The following PTPRN2 variants were observed in gnomAD, a reference collection of about 807,000 sequenced individuals.
PTPRN2 encodes protein tyrosine phosphatase receptor type N2.
In PTPRN2, 74 loss-of-function variants were observed where a neutral mutation model predicts 118.8. The ratio of observed to expected loss-of-function variants is 0.62; its 90% CI spans 0.52 to 0.76. The LOEUF (loss-of-function observed/expected upper bound fraction) is 0.76. Among genes scored for constraint, PTPRN2 ranks in the 30% least tolerant of loss-of-function variants. The pLI, the probability that PTPRN2 is intolerant of heterozygous loss-of-function variation, is 0.00. For synonymous variants in PTPRN2, 641 were observed against 608.0 expected (o/e 1.05, Z -0.80); for missense variants, 1,481 against 1,394.4 (o/e 1.06, Z -0.99).
chr7:157,792,278 G>A (rs1322917720), intron 12 of PTPRN2, among the ~76,000 whole-genome samples: 3 of 152,246 alleles, frequency 2.0e-5, no homozygotes, highest in Non-Finnish European at 4.4e-5. Flanking sequence ...CGCCCGCAGC[G>A]GGGCATCTGC....
chr7:158,371,128 G>A (rs568442235), intron 2 of PTPRN2, among the ~76,000 whole-genome samples: 30 of 152,238 alleles, frequency 2.0e-4, no homozygotes, highest in African/African-American at 6.7e-4. Flanking sequence ...ATGTGACTGC[G>A]CAGGGAAGAA....
At chr7:157,970,823 G>A (rs1191360121) in intron 11 of PTPRN2, among the ~76,000 whole-genome samples, 1 of 152,092 alleles carries the variant, frequency 6.6e-6, no homozygotes, top group East Asian at 1.9e-4. Context: ...CTAATTCTAA[G>A]CTCATTCTTC....
intron 11 of PTPRN2, among the ~76,000 whole-genome samples, chr7:158,043,041 G>C (rs985888250): frequency 6.6e-6 from 1 of 152,106 alleles, no homozygotes; most frequent in African/African-American, 2.4e-5. Flanking sequence ...GGAAAGTTTG[G>C]GGGAAGTTAC....
At position 157,974,271 on chromosome 7, in the gene PTPRN2, A is replaced by G. The variant is rs1440243209; in HGVS notation, c.1724-75534T>C. On this transcript the variant is annotated intron_variant, in intron 11 of 22. Coordinates refer to ENST00000389418, the MANE Select transcript of PTPRN2 (RefSeq NM_002847.5). This position sits in a 1 kb window ranked among gnomAD's most constrained non-coding sequence, Gnocchi z 4.0. ...CCACTAGCATTTTCTCATCTCCAGCACGGTGTCAATGGTGCCACTCCAGCC... is the reference window on the plus strand; with the variant it reads ...CCACTAGCATTTTCTCATCTCCAGCGCGGTGTCAATGGTGCCACTCCAGCC... Among the ~76,000 whole-genome samples the G allele has an allele frequency of 2.0e-5, 3 of 152,202 alleles. No individual in the cohort carries two copies. The highest frequency in any genetic ancestry group is 2.0e-4 in the Admixed American group (3 of 15,284).
At chr7:157,753,632 C>T (rs1486247646) in intron 12 of PTPRN2, among the ~76,000 whole-genome samples, 1 of 148,910 alleles carries the variant, frequency 6.7e-6, no homozygotes, top group Non-Finnish European at 1.5e-5. Flanking sequence ...ACGTGCCAGG[C>T]CCCACACCTG....
intron 19 of PTPRN2, among the ~76,000 whole-genome samples, chr7:157,573,839 G>A (rs1278240812): frequency 1.3e-5 from 2 of 152,130 alleles, no homozygotes; most frequent in African/African-American, 4.8e-5. Context: ...GGAAGGTTTC[G>A]CTGTAATTTT....
rs1317051792 is a variant in PTPRN2, at chr7:158,251,641, A to ACGTGGGGCGTGTG, written c.278-46369_278-46368insCACACGCCCCACG. Among the ~76,000 whole-genome samples the ACGTGGGGCGTGTG allele has an allele frequency of 3.4e-5, 4 of 119,024 alleles. 1 individual carries two copies. In the South Asian group the frequency reaches 1.2e-3, roughly 36 times the overall value. 78.1% of individuals were successfully genotyped at this position (119,024 alleles called of 152,430 possible). The stretch of plus-strand genomic sequence containing the variant: ...GGTGTGCAATGGATGTCTATGGTGC[A>ACGTGGGGCGTGTG]CATGTGGTGTGCACAGGTGTGCAAT... On this transcript the variant is annotated intron_variant, in intron 3 of 22. Coordinates refer to ENST00000389418, the MANE Select transcript of PTPRN2 (RefSeq NM_002847.5).
intron 15 of PTPRN2, among the ~76,000 whole-genome samples, chr7:157,608,746 G>A (rs990004429): frequency 8.5e-5 from 13 of 152,156 alleles, no homozygotes; most frequent in African/African-American, 3.1e-4. Context: ...GCAGGCCCAC[G>A]CGCAATCAGC....
intron 3 of PTPRN2, among the ~76,000 whole-genome samples, chr7:158,295,078 G>T (rs566448752): frequency 7.0e-6 from 1 of 142,340 alleles, no homozygotes; most frequent in Non-Finnish European, 1.5e-5. Context: ...CTGCCTGTCT[G>T]CCCAGACATT....
chr7:158,107,460 C>T (rs141824856), intron 10 of PTPRN2, among the ~76,000 whole-genome samples: 7 of 151,772 alleles, frequency 4.6e-5, no homozygotes, highest in Middle Eastern at 3.5e-3. Context: ...CCCTGCCCAC[C>T]CGCCACCTCC....
chr7:158,403,296 A>G (rs923593997), intron 2 of PTPRN2, among the ~76,000 whole-genome samples: 11 of 152,208 alleles, frequency 7.2e-5, no homozygotes, highest in African/African-American at 2.7e-4. Context: ...GCACCCATGC[A>G]GGCCCTGCCG....
intron 9 of PTPRN2, among the ~76,000 whole-genome samples, chr7:158,120,840 G>A (rs1817107182): frequency 6.6e-6 from 1 of 152,180 alleles, no homozygotes; most frequent in Non-Finnish European, 1.5e-5. Flanking sequence ...GGAGGCAACA[G>A]GGAAGGGAGC....
chr7:157,917,110 C>T (rs912241426), intron 11 of PTPRN2, among the ~76,000 whole-genome samples: 1 of 150,732 alleles, frequency 6.6e-6, no homozygotes, highest in Non-Finnish European at 1.5e-5. Flanking sequence ...GTCCAACACA[C>T]GTCCTCCTCC....
At chr7:158,032,476 G>A (rs1013146461) in intron 11 of PTPRN2, among the ~76,000 whole-genome samples, 4 of 152,110 alleles carry the variant, frequency 2.6e-5, no homozygotes, top group African/African-American at 2.4e-5. Flanking sequence ...GAGGAAGGCC[G>A]GATGCAGTGA....
intron 3 of PTPRN2, among the ~76,000 whole-genome samples, chr7:158,262,139 T>C (rs547462208): frequency 6.6e-6 from 1 of 152,286 alleles, no homozygotes; most frequent in South Asian, 2.1e-4. Context: ...CCACAGTGAC[T>C]GCCCCAAAGT....
intron 3 of PTPRN2, among the ~76,000 whole-genome samples, chr7:158,256,805 G>A (rs1371172945): frequency 6.6e-6 from 1 of 152,180 alleles, no homozygotes; most frequent in Non-Finnish European, 1.5e-5. Flanking sequence ...CTTTCTTGGA[G>A]TAGAAAAGAG....
chr7:158,337,238 C>G (rs1223021528), intron 2 of PTPRN2, among the ~76,000 whole-genome samples: 2 of 151,770 alleles, frequency 1.3e-5, no homozygotes, highest in East Asian at 1.9e-4. Flanking sequence ...CACCCACATT[C>G]TCACCATAAG....
At chr7:158,498,403 C>A (rs571013153) in intron 1 of PTPRN2, among the ~76,000 whole-genome samples, 4 of 152,240 alleles carry the variant, frequency 2.6e-5, no homozygotes, top group African/African-American at 4.8e-5. Context: ...GGATACCTAC[C>A]AGAATTGTTT....
chr7:157,545,844 C>T (rs951767651), intron 22 of PTPRN2, among the ~76,000 whole-genome samples: 34 of 152,284 alleles, frequency 2.2e-4, no homozygotes, highest in African/African-American at 5.3e-4. Context: ...AACCAGGCGA[C>T]GTGACTTCCT....
Sources: allele counts gnomAD v4.1 joint callset (sites outside exome capture counted in the v4.1 genomes callset), GRCh38; gene constraint gnomAD v4.1.1; non-coding constraint Gnocchi (gnomAD v3.1); transcripts MANE v1.5; gene names NCBI Gene and HGNC (gene_info 2026-07-23, HGNC 2026-07-21).